Variants in TMEM39A observed in about 807,000 individuals in gnomAD.
TMEM39A encodes the protein transmembrane protein 39A.
In TMEM39A, 19 loss-of-function variants were observed where a neutral mutation model predicts 51.9. That is an observed-to-expected ratio of 0.37 (90% confidence interval 0.26 to 0.54). TMEM39A has a LOEUF of 0.54. Among genes scored for constraint, TMEM39A ranks in the 20% least tolerant of loss-of-function variants. The pLI, the probability that TMEM39A is intolerant of heterozygous loss-of-function variation, is 0.88. For synonymous variants in TMEM39A, 197 were observed against 220.2 expected (o/e 0.89, Z 0.93); for missense variants, 433 against 590.5 (o/e 0.73, Z 2.76).
chr3:119,436,592 G>A (rs1246838841), intron 7 of TMEM39A, 199 bp downstream of exon 7: 4 of 522,884 alleles, frequency 7.6e-6, no homozygotes, highest in Non-Finnish European at 1.4e-5. Flanking sequence ...AAGGTAGAAC[G>A]CATTTAAGGA....
intron 1 of TMEM39A, among the ~76,000 whole-genome samples, chr3:119,462,857 G>A (rs1438765036): frequency 1.4e-5 from 2 of 144,898 alleles, no homozygotes; most frequent in African/African-American, 5.2e-5. Flanking sequence ...GAAACTGCAA[G>A]ATTAAGAAGC....
At chr3:119,439,515 G>A (rs980184238) in intron 5 of TMEM39A, among the ~76,000 whole-genome samples, 4 of 135,074 alleles carry the variant, frequency 3.0e-5, no homozygotes, top group Admixed American at 2.2e-4. Flanking sequence ...TGGAGGTGGA[G>A]GTTGCAGTGA....
At chr3:119,454,101 G>GC (rs1352248880) in intron 3 of TMEM39A, among the ~76,000 whole-genome samples, 1 of 152,162 alleles carries the variant, frequency 6.6e-6, no homozygotes, top group Non-Finnish European at 1.5e-5. Flanking sequence ...GAAAATATAT[G>GC]CCTAGTGTGT....
At position 119,458,353 on chromosome 3, in the gene TMEM39A, A is replaced by G. The variant is rs75997875; in HGVS notation, c.114-113T>C. 5,738 of 836,854 alleles carry G rather than the reference A, an allele frequency of 6.9e-3. 191 individuals carry two copies. The South Asian group carries it at 0.069, about 10-fold the overall frequency. The allele number at this position is 836,854 out of a possible 1,614,324, so 51.8% of individuals were successfully genotyped here. A position where few individuals can be genotyped will look rare whatever the true frequency, so the allele number is the denominator to read the frequency against. ...CCCTTCACTGTCTGCTTTCCCCACA[A>G]GACTCCATCCTGGGATCCTCTTTTC... On this transcript the variant is annotated intron_variant, in intron 2 of 8. Coordinates refer to ENST00000319172, the MANE Select transcript of TMEM39A (RefSeq NM_018266.3).
At chr3:119,456,913 A>G (rs565049788) in intron 3 of TMEM39A, among the ~76,000 whole-genome samples, 2 of 150,568 alleles carry the variant, frequency 1.3e-5, no homozygotes, top group African/African-American at 4.9e-5. Context: ...GGCCTTACCA[A>G]TATTTTTTTA....
In TMEM39A at chr3:119,430,068, A is replaced by G. The variant is rs1390002956; in HGVS notation, c.*1913T>C. ...TGCTGCCAAGAGAAGCATATTTTCA[A>G]GATCCTACAGAAAGAATAGAAAGAT... On this transcript the variant is annotated 3_prime_UTR_variant, in exon 9 of 9. Transcript: ENST00000319172. The G allele has an allele frequency of 6.6e-6, 1 of 152,160 alleles. No individual in the cohort carries two copies. Among genetic ancestry groups the G allele is most frequent in the Non-Finnish European group, 1.5e-5 (1 of 68,002 alleles). The allele number at this position is 152,160 out of a possible 1,614,324, so 9.4% of individuals were successfully genotyped here.
rs3207497 is a variant in TMEM39A at position 119,431,413 on chromosome 3, T to A, written c.*568A>T. On this transcript the variant is annotated 3_prime_UTR_variant, in exon 9 of 9. Transcript: ENST00000319172. ...GCTTATTCAAAAGTATATTTAAATG[T>A]CACAGGGTAAAATAGACCAGCTGAG... The A allele has an allele frequency of 3.9e-5, 6 of 152,174 alleles. No individual in the cohort carries two copies. The East Asian group carries it at 7.7e-4, about 20-fold the overall frequency. 9.4% of individuals were successfully genotyped at this position (152,174 alleles called of 1,614,324 possible).
chr3:119,448,501 T>C (rs1318370492), intron 4 of TMEM39A, among the ~76,000 whole-genome samples: 1 of 152,202 alleles, frequency 6.6e-6, no homozygotes, highest in African/African-American at 2.4e-5. Flanking sequence ...CGCAATATAC[T>C]GTATACTGAA....
chr3:119,460,110 G>C (rs1577067685), intron 2 of TMEM39A, among the ~76,000 whole-genome samples: 2 of 151,144 alleles, frequency 1.3e-5, no homozygotes, highest in African/African-American at 4.9e-5. Flanking sequence ...TAATAGTCTT[G>C]GTGACTTTTC....
At chr3:119,451,292 G>A in intron 4 of TMEM39A, 3 of 1,288,562 alleles carry the variant, frequency 2.3e-6, no homozygotes, top group African/African-American at 1.5e-5. Context: ...TAGGGTTCCT[G>A]AAAATCAGAG....
At chr3:119,443,657 T>C (rs1333738598) in intron 5 of TMEM39A, among the ~76,000 whole-genome samples, 4 of 152,324 alleles carry the variant, frequency 2.6e-5, no homozygotes, top group African/African-American at 9.6e-5. Flanking sequence ...GGCTCCCCTC[T>C]GTAACCCCAG....
chr3:119,454,080 C>T (rs1346516960), intron 3 of TMEM39A, among the ~76,000 whole-genome samples: 1 of 152,062 alleles, frequency 6.6e-6, no homozygotes, highest in Non-Finnish European at 1.5e-5. Flanking sequence ...ATCACAAAGG[C>T]CCTAAGACAG....
intron 7 of TMEM39A, 103 bp from the exon 8 acceptor site, chr3:119,434,985 G>T (rs1486322080): frequency 7.5e-6 from 11 of 1,463,790 alleles, no homozygotes; most frequent in Non-Finnish European, 1.0e-5. Flanking sequence ...AATAATCAAG[G>T]CTTCATCTGC....
chr3:119,436,492 G>C (rs951378839), intron 7 of TMEM39A: 1 of 241,674 alleles, frequency 4.1e-6, no homozygotes, highest in African/African-American at 2.2e-5. Flanking sequence ...ATGACTCTTT[G>C]AATTCGGGCA....
intron 3 of TMEM39A, among the ~76,000 whole-genome samples, chr3:119,454,417 A>G (rs963425238): frequency 1.3e-5 from 2 of 152,176 alleles, no homozygotes; most frequent in Non-Finnish European, 2.9e-5. Flanking sequence ...CCTCCAAAAT[A>G]ATGCATGCAG....
intron 2 of TMEM39A, among the ~76,000 whole-genome samples, chr3:119,459,816 T>C (rs953708393): frequency 1.3e-5 from 2 of 152,190 alleles, no homozygotes; most frequent in African/African-American, 4.8e-5. Context: ...ATCAAATGTA[T>C]CATCCAAAAG....
Position 119,452,427 on chromosome 3 carries a change from T to C in TMEM39A, c.420+20A>G, listed in dbSNP as rs2081212579. 1 of 1,598,230 alleles carries C rather than the reference T, an allele frequency of 6.3e-7. No individual in the cohort carries two copies. The highest frequency in any genetic ancestry group is 8.6e-7 in the Non-Finnish European group (1 of 1,166,286). On this transcript the variant is annotated intron_variant, in intron 4 of 8. Coordinates refer to ENST00000319172, the MANE Select transcript of TMEM39A (RefSeq NM_018266.3). The stretch of plus-strand genomic sequence containing the variant: ...CTAACTCTAGCTACATGTGATAGAA[T>C]ATAGTCAATGAACTGTTACCTCTGA...
At chr3:119,456,653 C>T (rs2081268435) in intron 3 of TMEM39A, among the ~76,000 whole-genome samples, 1 of 152,242 alleles carries the variant, frequency 6.6e-6, no homozygotes, top group African/African-American at 2.4e-5. Context: ...TCTGACTAGC[C>T]TTAGTACAGT....
intron 7 of TMEM39A, chr3:119,435,816 T>G: frequency 7.8e-7 from 1 of 1,285,314 alleles, no homozygotes. Context: ...AGATGTACAG[T>G]ACTAGTACTG....
Sources: allele counts gnomAD v4.1 joint callset (sites outside exome capture counted in the v4.1 genomes callset), GRCh38; gene constraint gnomAD v4.1.1; transcripts MANE v1.5; gene names NCBI Gene and HGNC (gene_info 2026-07-23, HGNC 2026-07-21).